ITPR2: variants seen among roughly 807,000 people sequenced by gnomAD.
ITPR2 encodes the protein inositol 1,4,5-trisphosphate receptor type 2, also known as inositol 1,4,5-trisphosphate-gated calcium channel ITPR2.
ITPR2 carries 207 observed loss-of-function variants against 317.1 expected under a neutral mutation model. The observed-to-expected ratio is 0.65, with a 90% CI of 0.58 to 0.73. ITPR2 has a LOEUF of 0.73. ITPR2 is among the 30% of genes least tolerant of loss of function. ITPR2 has a pLI of 0.00. For synonymous variants in ITPR2, 1,156 were observed against 1,149.1 expected (o/e 1.01, Z -0.12); for missense variants, 2,613 against 3,284.0 (o/e 0.80, Z 4.99).
chr12:26,782,190 C>T (rs186157229), intron 2 of ITPR2, among the ~76,000 whole-genome samples: 15 of 151,438 alleles, frequency 9.9e-5, no homozygotes, highest in East Asian at 5.8e-4. Context: ...TATTAGAGAA[C>T]GCTGACTAAC....
intron 32 of ITPR2, among the ~76,000 whole-genome samples, chr12:26,586,558 T>G (rs1400922757): frequency 6.6e-6 from 1 of 152,240 alleles, no homozygotes; most frequent in African/African-American, 2.4e-5. Flanking sequence ...TATCTACATT[T>G]CCATCCATTT....
intron 39 of ITPR2, among the ~76,000 whole-genome samples, chr12:26,493,175 T>C (rs994165153): frequency 1.3e-5 from 2 of 152,152 alleles, no homozygotes; most frequent in Non-Finnish European, 2.9e-5. Flanking sequence ...CTAAGTACTA[T>C]TGATTTAGCG....
At chr12:26,768,571 T>TAAAAAAAAAAAAAAAAA (rs879291062) in intron 2 of ITPR2, among the ~76,000 whole-genome samples, 1 of 96,164 alleles carries the variant, frequency 1.0e-5, no homozygotes, top group African/African-American at 6.0e-5. Flanking sequence ...CAAATATATA[T>TAAAAAAAAAAAAAAAAA]AAAAAAAAAA....
chr12:26,653,644 A>G (rs1947308923), intron 21 of ITPR2, among the ~76,000 whole-genome samples: 1 of 152,204 alleles, frequency 6.6e-6, no homozygotes, highest in Non-Finnish European at 1.5e-5. Context: ...AAAGAGGCTG[A>G]GGCAGGAGAA....
At chr12:26,342,523 G>C (rs1486482061) in intron 55 of ITPR2, among the ~76,000 whole-genome samples, 1 of 125,736 alleles carries the variant, frequency 8.0e-6, no homozygotes, top group African/African-American at 3.1e-5. Context: ...GCGGGGGTCA[G>C]ATCCCTCAGG....
At chr12:26,356,503 TA>T in intron 55 of ITPR2, among the ~76,000 whole-genome samples, 1 of 152,306 alleles carries the variant, frequency 6.6e-6, no homozygotes, top group Non-Finnish European at 1.5e-5. Flanking sequence ...ATCATAATTA[TA>T]AGATGCGTAG....
rs186220366 is a variant in ITPR2 at position 26,640,639 on chromosome 12, T to C, written c.2741-8580A>G. 2.3e-3 allele frequency among the ~76,000 whole-genome samples: 349 copies of C among 152,294 alleles called. 10 individuals are homozygous for C. The highest frequency in any genetic ancestry group is 0.023 in the Admixed American group (346 of 15,286). On this transcript the variant is annotated intron_variant, in intron 21 of 56. Transcript: ENST00000381340. Reference sequence around the variant, plus strand: ...TGAATCTCTGTTATTGAATCATCTATGTAGTAACTCTAAGAACCATAGAGT... The same window carrying C: ...TGAATCTCTGTTATTGAATCATCTACGTAGTAACTCTAAGAACCATAGAGT...
chr12:26,432,438 T>A (rs1941235998), intron 48 of ITPR2, among the ~76,000 whole-genome samples: 1 of 152,196 alleles, frequency 6.6e-6, no homozygotes, highest in Admixed American at 6.5e-5. Flanking sequence ...CTGGGTCTCA[T>A]TACAGGTGCC....
rs1026174618 is a variant in ITPR2 at position 26,833,085 on chromosome 12, C to T, written c.-304G>A. The T allele has an allele frequency of 2.7e-6, 1 of 365,354 alleles. No homozygotes were observed. The highest frequency in any genetic ancestry group is 2.2e-5 in the African/African-American group (1 of 45,440). The allele number at this position is 365,354 out of a possible 1,614,324, so 22.6% of individuals were successfully genotyped here. A position where few individuals can be genotyped will look rare whatever the true frequency, so the allele number is the denominator to read the frequency against. ...TTCCTGTTCCTTTCTGAAGTTTTCT[C>T]TCCAACACCTTTGCTCCTCCTCCTC... On this transcript the variant is annotated 5_prime_UTR_variant, in exon 1 of 57. Transcript: ENST00000381340.
At position 26,627,896 on chromosome 12, in the gene ITPR2, A is replaced by G. The variant is rs184435516; in HGVS notation, c.3064+137T>C. The G allele has an allele frequency of 1.1e-4, 82 of 733,552 alleles. No homozygotes were observed. In the African/African-American group the frequency reaches 1.3e-3, roughly 11 times the overall value. 45.4% of individuals were successfully genotyped at this position (733,552 alleles called of 1,614,324 possible). A position where few individuals can be genotyped will look rare whatever the true frequency, so the allele number is the denominator to read the frequency against. On this transcript the variant is annotated intron_variant, in intron 23 of 56. Coordinates refer to ENST00000381340, the MANE Select transcript of ITPR2 (RefSeq NM_002223.4). The stretch of plus-strand genomic sequence containing the variant: ...TGTAACAAATCTGCACGTTCTGCAC[A>G]TGTATCCCAGAACTTAAAGTATAAT...
At chr12:26,402,344 A>G (rs1940204638) in intron 52 of ITPR2, among the ~76,000 whole-genome samples, 1 of 152,182 alleles carries the variant, frequency 6.6e-6, no homozygotes, top group South Asian at 2.1e-4. Context: ...TAGCGTCACG[A>G]TCTGCATTCA....
chr12:26,505,394 C>T (rs1230717700), intron 37 of ITPR2, among the ~76,000 whole-genome samples: 3 of 152,202 alleles, frequency 2.0e-5, no homozygotes, highest in Non-Finnish European at 4.4e-5. Flanking sequence ...TATCATGCTC[C>T]CTTCTGCTTC....
chr12:26,543,975 T>C (rs1944327085), intron 37 of ITPR2, among the ~76,000 whole-genome samples: 1 of 152,164 alleles, frequency 6.6e-6, no homozygotes, highest in South Asian at 2.1e-4. Flanking sequence ...GTTACATCCT[T>C]TGTAAACTCT....
chr12:26,535,689 CAAAAGA>C (rs1267528946), intron 37 of ITPR2, among the ~76,000 whole-genome samples: 1 of 151,714 alleles, frequency 6.6e-6, no homozygotes, highest in Non-Finnish European at 1.5e-5. Flanking sequence ...TTTAGTTGAG[CAAAAGA>C]AAAAGGAGAT....
intron 1 of ITPR2, among the ~76,000 whole-genome samples, chr12:26,816,139 C>CATA (rs1236135534): frequency 7.7e-6 from 1 of 130,114 alleles, no homozygotes; most frequent in Non-Finnish European, 1.7e-5. Flanking sequence ...ATGATATAAA[C>CATA]ATAATACAGC....
intron 26 of ITPR2, among the ~76,000 whole-genome samples, chr12:26,616,739 T>C (rs961027068): frequency 2.0e-5 from 3 of 152,054 alleles, no homozygotes; most frequent in East Asian, 3.9e-4. Context: ...TTGAACAACA[T>C]GAATTTGAAC....
intron 55 of ITPR2, among the ~76,000 whole-genome samples, chr12:26,342,978 A>G (rs1938186574): frequency 1.3e-5 from 2 of 151,984 alleles, no homozygotes; most frequent in African/African-American, 2.4e-5. Context: ...GTGCGATGTT[A>G]TAAGCCAGGA....
At chr12:26,482,732 A>T (rs1439813664) in intron 42 of ITPR2, among the ~76,000 whole-genome samples, 1 of 152,204 alleles carries the variant, frequency 6.6e-6, no homozygotes, top group Non-Finnish European at 1.5e-5. Context: ...TTCATTGTAC[A>T]CACCTATGCA....
chr12:26,735,364 T>C (rs1313212119), intron 2 of ITPR2, among the ~76,000 whole-genome samples: 1 of 150,896 alleles, frequency 6.6e-6, no homozygotes, highest in African/African-American at 2.4e-5. Context: ...TGAAATTGAA[T>C]TGAATGGAAC....
Sources: gnomAD v4.1 joint callset for allele counts (sites outside exome capture counted in the v4.1 genomes callset) on GRCh38, gnomAD v4.1.1 for gene constraint, MANE v1.5 for transcripts, NCBI Gene and HGNC (gene_info 2026-07-23, HGNC 2026-07-21) for gene names.